SLCO1B1: variants seen among roughly 807,000 people sequenced by gnomAD.
The protein encoded by SLCO1B1 is OATP-2.
SLCO1B1 carries 81 observed loss-of-function variants against 70.1 expected under a neutral mutation model. That is an observed-to-expected ratio of 1.16 (90% CI 0.97 to 1.39). The LOEUF (loss-of-function observed/expected upper bound fraction) is 1.39, where lower values mean the gene tolerates loss of function less well. Ranked by LOEUF, SLCO1B1 falls within the 40% of genes most tolerant of loss-of-function variation. The pLI, the probability that SLCO1B1 is intolerant of heterozygous loss-of-function variation, is 0.00. For synonymous variants in SLCO1B1, 283 were observed against 271.5 expected, an observed-to-expected ratio of 1.04 and a Z score of -0.42; for missense variants, 895 against 799.6, an observed-to-expected ratio of 1.12 and a Z score of -1.44.
At chr12:21,135,098 A>T (rs1490720374) in intron 1 of SLCO1B1, among the ~76,000 whole-genome samples, 1 of 152,172 alleles carries the variant, frequency 6.6e-6, no homozygotes, top group Non-Finnish European at 1.5e-5. Flanking sequence ...TGTACCCAGT[A>T]GTCATTCAGT....
chr12:21,174,590 G>T lies in SLCO1B1; in HGVS notation c.240G>T (p.Val80=). Reference sequence around the variant, plus strand: ...TTCCCTTTCTAGGAAATTTGCTTGTGATTGTATTTGTGAGTTACTTTGGAT... The same window carrying T: ...TTCCCTTTCTAGGAAATTTGCTTGTTATTGTATTTGTGAGTTACTTTGGAT... The part of the protein sequence containing the change: ...DGSFEIGNLL[V]IVFVSYFGSK... Residue 80 remains valine, a synonymous_variant, in exon 4 of 15, where the codon GTG becomes GTT. Coordinates refer to ENST00000256958, the MANE Select transcript of SLCO1B1 (RefSeq NM_006446.5). 6.2e-7 allele frequency: 1 copy of T among 1,613,384 alleles called. No individual in the cohort carries two copies. Among genetic ancestry groups the T allele is most frequent in the Non-Finnish European group, 8.5e-7 (1 of 1,179,662 alleles).
At chr12:21,148,368 C>T (rs1940416706) in intron 2 of SLCO1B1, among the ~76,000 whole-genome samples, 2 of 152,028 alleles carry the variant, frequency 1.3e-5, no homozygotes, top group Non-Finnish European at 2.9e-5. Context: ...TTTAATCCAT[C>T]TTGAGTTAAT....
In SLCO1B1 at chr12:21,210,157, T is replaced by C. The variant is rs542731040; in HGVS notation, c.1497+4124T>C. The stretch of plus-strand genomic sequence containing the variant: ...CCCATGCCTATGTCCTGAATGGTAA[T>C]GCCTAGGTTTTCTTCTAGGGTTTTT... On this transcript the variant is annotated intron_variant, in intron 11 of 14. Coordinates refer to ENST00000256958, the MANE Select transcript of SLCO1B1 (RefSeq NM_006446.5). Among the ~76,000 whole-genome samples the C allele has an allele frequency of 2.5e-4, 37 of 146,534 alleles. No individual in the cohort carries two copies. The East Asian group carries it at 7.8e-3, about 31-fold the overall frequency.
intron 13 of SLCO1B1, 23 bp downstream of exon 13, chr12:21,222,387 AAAAAAAAAAAATAT>A (rs1941433932): frequency 8.7e-6 from 3 of 346,138 alleles, no homozygotes; most frequent in South Asian, 1.1e-4. Context: ...AAAAAAAAAA[AAAAAAAAAAAATAT>A]ATATATATAT....
At chr12:21,136,904 G>A (rs113873696) in intron 1 of SLCO1B1, among the ~76,000 whole-genome samples, 53 of 152,224 alleles carry the variant, frequency 3.5e-4, no homozygotes, top group African/African-American at 1.1e-3. Context: ...GAGGAGAGGC[G>A]CTCTGATCTT....
chr12:21,135,152 G>T (rs1376585386), intron 1 of SLCO1B1, among the ~76,000 whole-genome samples: 1 of 152,166 alleles, frequency 6.6e-6, no homozygotes, highest in Non-Finnish European at 1.5e-5. Flanking sequence ...TTTTGAGTGA[G>T]TTTCTTAATC....
intron 14 of SLCO1B1, among the ~76,000 whole-genome samples, chr12:21,236,259 G>C (rs1223131746): frequency 6.6e-6 from 1 of 152,108 alleles, no homozygotes; most frequent in African/African-American, 2.4e-5. Context: ...TTTAGGGGAA[G>C]AACACATTGA....
chr12:21,172,577 A>C (rs755134496), intron 2 of SLCO1B1, 73 bp from the exon 3 acceptor site: 16 of 1,480,946 alleles, frequency 1.1e-5, no homozygotes, highest in Non-Finnish European at 1.5e-5. Flanking sequence ...AGCTATTATA[A>C]TTCCATGTGC....
chr12:21,190,771 T>A (rs2121129078), intron 7 of SLCO1B1, among the ~76,000 whole-genome samples: 1 of 152,260 alleles, frequency 6.6e-6, no homozygotes, highest in South Asian at 2.1e-4. Context: ...ACATACAGTA[T>A]TTGGTTTTCC....
At chr12:21,211,830 T>C (rs1941290349) in intron 11 of SLCO1B1, among the ~76,000 whole-genome samples, 1 of 152,126 alleles carries the variant, frequency 6.6e-6, no homozygotes, top group African/African-American at 2.4e-5. Context: ...TTCTTCTAGA[T>C]TTTCTAGTTT....
At chr12:21,178,491 A>C (rs562037961) in intron 5 of SLCO1B1, 85 bp from the exon 6 acceptor site, 1 of 960,242 alleles carries the variant, frequency 1.0e-6, no homozygotes, top group Non-Finnish European at 1.6e-6. Context: ...AATAAGTAGA[A>C]TAATTAAGAG....
chr12:21,149,626 G>A (rs1168236365), intron 2 of SLCO1B1, among the ~76,000 whole-genome samples: 2 of 152,104 alleles, frequency 1.3e-5, no homozygotes, highest in Admixed American at 6.5e-5. Flanking sequence ...CCCTAGCCAA[G>A]GGAAGCCACG....
At chr12:21,205,115 A>C (rs1488000592) in intron 10 of SLCO1B1, among the ~76,000 whole-genome samples, 2 of 152,026 alleles carry the variant, frequency 1.3e-5, no homozygotes, top group African/African-American at 2.4e-5. Flanking sequence ...TCATTCAAAG[A>C]TAACACATCA....
chr12:21,161,632 G>C (rs1382927329), intron 2 of SLCO1B1, among the ~76,000 whole-genome samples: 1 of 151,950 alleles, frequency 6.6e-6, no homozygotes, highest in South Asian at 2.1e-4. Context: ...GTGTTTACCT[G>C]TACAATAAAC....
intron 14 of SLCO1B1, among the ~76,000 whole-genome samples, chr12:21,236,999 G>A (rs1018254476): frequency 3.9e-5 from 6 of 151,964 alleles, no homozygotes; most frequent in Non-Finnish European, 2.9e-5. Flanking sequence ...TTTAATTGGT[G>A]GATTTAGATC....
chr12:21,239,134 A>C lies in SLCO1B1; in HGVS notation c.2021A>C (p.Asn674Thr), dbSNP rs1163979475. 6.2e-7 allele frequency: 1 copy of C among 1,613,178 alleles called. No individual in the cohort carries two copies. The highest frequency in any genetic ancestry group is 8.5e-7 in the Non-Finnish European group (1 of 1,179,514). ...VMDEANLESL[N>T]KNKHFVPSAG... ...GATGAAGCAAACTTAGAATCCTTAA[A>C]TAAAAATAAACATTTTGTCCCTTCT... The change falls in exon 15 of 15, where the codon AAT becomes ACT. Residue 674 changes from asparagine (N) to threonine (T), a missense_variant. Physicochemically the swap from Asn to Thr is moderately conservative, Grantham distance 65. Coordinates refer to ENST00000256958, the MANE Select transcript of SLCO1B1 (RefSeq NM_006446.5).
chr12:21,166,019 C>T (rs535371686), intron 2 of SLCO1B1, among the ~76,000 whole-genome samples: 44 of 148,838 alleles, frequency 3.0e-4, no homozygotes, highest in African/African-American at 7.9e-4. Context: ...AAAAAAAAAA[C>T]GAAGAAAAAT....
intron 7 of SLCO1B1, among the ~76,000 whole-genome samples, chr12:21,191,965 C>G (rs1254436161): frequency 3.3e-5 from 5 of 151,904 alleles, no homozygotes; most frequent in Admixed American, 6.6e-5. Context: ...TATAAATCCC[C>G]CTTGAATATA....
intron 1 of SLCO1B1, among the ~76,000 whole-genome samples, chr12:21,132,269 T>C (rs1940148084): frequency 6.6e-6 from 1 of 152,224 alleles, no homozygotes; most frequent in African/African-American, 2.4e-5. Context: ...AAGTCTTTGC[T>C]ACTGTGAATA....
Sources: allele counts gnomAD v4.1 joint callset (sites outside exome capture counted in the v4.1 genomes callset), GRCh38; gene constraint gnomAD v4.1.1; transcripts MANE v1.5; gene names NCBI Gene and HGNC (gene_info 2026-07-23, HGNC 2026-07-21).